The following TRIM16 variants were observed in gnomAD, a reference collection of about 807,000 sequenced individuals.
TRIM16 encodes tripartite motif-containing protein 16.
Under a neutral mutation model 50.4 loss-of-function variants are expected in TRIM16, and 33 were observed. The ratio of observed to expected loss-of-function variants is 0.65; its 90% CI spans 0.50 to 0.88. The LOEUF (loss-of-function observed/expected upper bound fraction) is 0.88. Ranked by LOEUF, TRIM16 falls within the 40% of genes least tolerant of loss-of-function variation. TRIM16 has a pLI of 0.00. For missense variants in TRIM16, 581 were observed against 686.8 expected, an observed-to-expected ratio of 0.85 and a Z score of 1.72; for synonymous variants, 229 against 270.7, an observed-to-expected ratio of 0.85 and a Z score of 1.51.
chr17:15,635,903 C>T lies in TRIM16; in HGVS notation c.849+133G>A. On this transcript the variant is annotated intron_variant, in intron 9 of 11. Transcript: ENST00000649191. ...TCTGCTGAATGAAGAATCTGCTTCTCTCTGTTCCCACTGCTCCCTGTGCAC... is the reference window on the plus strand; with the variant it reads ...TCTGCTGAATGAAGAATCTGCTTCTTTCTGTTCCCACTGCTCCCTGTGCAC... The T allele has an allele frequency of 6.3e-6, 5 of 797,834 alleles. No homozygotes were observed. The East Asian group carries it at 8.3e-5, about 13-fold the overall frequency. 49.4% of individuals were successfully genotyped at this position (797,834 alleles called of 1,614,324 possible). A position where few individuals can be genotyped will look rare whatever the true frequency, so the allele number is the denominator to read the frequency against.
intron 9 of TRIM16, among the ~76,000 whole-genome samples, chr17:15,635,143 T>A (rs1223127802): frequency 6.8e-6 from 1 of 146,528 alleles, no homozygotes; most frequent in Non-Finnish European, 1.5e-5. Context: ...TAGCAGAGAA[T>A]TTTTTCAAAA....
rs1026520873 is a variant in TRIM16 at position 15,651,796 on chromosome 17, G to A, written c.-187C>T. ...CTGGCGCTGGATGGCAGCCAGATGC[G>A]ATGACGACAAGGCAGCTAGAGTACT... On this transcript the variant is annotated 5_prime_UTR_variant, in exon 7 of 12. Coordinates refer to ENST00000649191, the MANE Select transcript of TRIM16 (RefSeq NM_001348119.1). 15 of 1,465,284 alleles carry A rather than the reference G, an allele frequency of 1.0e-5. No homozygotes were observed. The highest frequency in any genetic ancestry group is 8.5e-5 in the South Asian group (6 of 70,812). The allele number at this position is 1,465,284 out of a possible 1,614,324, so 90.8% of individuals were successfully genotyped here.
chr17:15,681,193 G>C, intron 3 of TRIM16: 1 of 342,518 alleles, frequency 2.9e-6, no homozygotes, highest in Non-Finnish European at 5.4e-6. Flanking sequence ...CCACTGCTCT[G>C]AAAACGAGGT....
intron 10 of TRIM16, 25 bp downstream of exon 10, chr17:15,632,484 G>C (rs547052203): frequency 2.5e-6 from 4 of 1,599,164 alleles, no homozygotes; most frequent in Non-Finnish European, 3.4e-6. Context: ...ACTCACTATA[G>C]TCCATGGCCC....
At chr17:15,644,385 A>AC (rs1408726450) in intron 7 of TRIM16, among the ~76,000 whole-genome samples, 16 of 152,176 alleles carry the variant, frequency 1.1e-4, no homozygotes, top group African/African-American at 3.9e-4. Flanking sequence ...ACAGGGTTTC[A>AC]CCATGTTGGT....
Position 15,651,112 on chromosome 17 carries a change from A to G in TRIM16, c.498T>C (p.Asp166=). 6.2e-7 allele frequency: 1 copy of G among 1,612,514 alleles called. No individual in the cohort carries two copies. The highest frequency in any genetic ancestry group is 8.5e-7 in the Non-Finnish European group (1 of 1,179,064). ...EHSGHTIVSL[D]AARRDKEAEL... ...TCACCTCCTTGTCCCTGCGGGCTGC[A>G]TCCAGGGAGACTATGGTGTGGCCAC... Residue 166 remains aspartate, a synonymous_variant, in exon 7 of 12, where the codon GAT becomes GAC. Coordinates refer to ENST00000649191, the MANE Select transcript of TRIM16 (RefSeq NM_001348119.1).
intron 6 of TRIM16, among the ~76,000 whole-genome samples, chr17:15,676,163 G>T: frequency 6.6e-6 from 1 of 152,212 alleles, no homozygotes; most frequent in East Asian, 1.9e-4. Context: ...CCCGTCCTGT[G>T]CATTGTAGGA....
intron 6 of TRIM16, among the ~76,000 whole-genome samples, chr17:15,666,372 G>A (rs141185031): frequency 6.6e-6 from 1 of 152,116 alleles, no homozygotes; most frequent in Non-Finnish European, 1.5e-5. Context: ...GTGAGCCACT[G>A]CACCCACCCT....
chr17:15,651,134 C>A lies in TRIM16; in HGVS notation c.476G>T (p.Gly159Val), dbSNP rs200262081. Residue 159 changes from glycine to valine, a missense_variant, in exon 7 of 12, where the codon GGC becomes GTC. Transcript: ENST00000649191. ...ICQDCCQEHS[G>V]HTIVSLDAAR... ...TGCATCCAGGGAGACTATGGTGTGG[C>A]CACTGTGCTCCTGGCAACAGTCCTG... 3.7e-6 allele frequency: 6 copies of A among 1,613,830 alleles called. No individual in the cohort carries two copies. Among genetic ancestry groups the A allele is most frequent in the Non-Finnish European group, 5.1e-6 (6 of 1,179,938 alleles).
Position 15,651,944 on chromosome 17 carries a change from G to A in TRIM16, c.-335C>T. 2 of 1,243,620 alleles carry A rather than the reference G, an allele frequency of 1.6e-6. No homozygotes were observed. Among genetic ancestry groups the A allele is most frequent in the East Asian group, 4.4e-5 (1 of 22,510 alleles). The allele number at this position is 1,243,620 out of a possible 1,614,324, so 77.0% of individuals were successfully genotyped here. A position where few individuals can be genotyped will look rare whatever the true frequency, so the allele number is the denominator to read the frequency against. On this transcript the variant is annotated splice_region_variant and 5_prime_UTR_variant, in exon 7 of 12. The change creates a premature stop within an existing upstream ORF in the 5' untranslated region. Coordinates refer to ENST00000649191, the MANE Select transcript of TRIM16 (RefSeq NM_001348119.1). ...CTGAAGACCACGTGTCTCTGTGCCT[G>A]CTCTGGAAAGGACAGAAGATTCCTG...
At chr17:15,630,199 T>C (rs1986343281) in intron 11 of TRIM16, among the ~76,000 whole-genome samples, 1 of 152,080 alleles carries the variant, frequency 6.6e-6, no homozygotes, top group Non-Finnish European at 1.5e-5. Flanking sequence ...GTACAGCCTG[T>C]TCCCTCCGAG....
chr17:15,668,875 T>C (rs952745547), intron 6 of TRIM16, among the ~76,000 whole-genome samples: 5 of 151,922 alleles, frequency 3.3e-5, no homozygotes, highest in African/African-American at 1.2e-4. Flanking sequence ...ACTTATCCCA[T>C]ATTCAAAAAG....
intron 4 of TRIM16, 64 bp downstream of exon 4, chr17:15,680,801 A>T: frequency 6.7e-7 from 1 of 1,490,060 alleles, no homozygotes. Context: ...TTCTGAGAAG[A>T]GAGGAAAATC....
Position 15,651,779 on chromosome 17 carries a change from G to A in TRIM16, c.-170C>T, listed in dbSNP as rs143578167. ...CCACTCATTACTGTGTGCTGGCGCT[G>A]GATGGCAGCCAGATGCGATGACGAC... On this transcript the variant is annotated 5_prime_UTR_variant, in exon 7 of 12. The change creates a premature stop within an existing upstream ORF in the 5' untranslated region. Coordinates refer to ENST00000649191, the MANE Select transcript of TRIM16 (RefSeq NM_001348119.1). 2.8e-4 allele frequency: 416 copies of A among 1,475,166 alleles called. 1 individual carries two copies. The East Asian group carries it at 0.01, about 36-fold the overall frequency. 91.4% of individuals were successfully genotyped at this position (1,475,166 alleles called of 1,614,324 possible). A position where few individuals can be genotyped will look rare whatever the true frequency, so the allele number is the denominator to read the frequency against.
intron 7 of TRIM16, among the ~76,000 whole-genome samples, chr17:15,645,412 C>G (rs1018818401): frequency 6.6e-6 from 1 of 152,084 alleles, no homozygotes; most frequent in African/African-American, 2.4e-5. Context: ...GCCCAAAAAC[C>G]TCAGGTTTGC....
chr17:15,674,756 A>G (rs534936911), intron 6 of TRIM16, among the ~76,000 whole-genome samples: 2 of 152,252 alleles, frequency 1.3e-5, no homozygotes, highest in Admixed American at 6.5e-5. Flanking sequence ...TAAACTTTCA[A>G]GTTCTCTTAG....
intron 8 of TRIM16, among the ~76,000 whole-genome samples, chr17:15,637,364 A>G (rs1251407502): frequency 4.5e-3 from 209 of 45,964 alleles, no homozygotes; most frequent in South Asian, 6.6e-3. Context: ...CAGCCCCCCT[A>G]CCCGGCCAGC....
rs376832731 is a variant in TRIM16 at position 15,639,975 on chromosome 17, T to C, written c.615+2746A>G. On this transcript the variant is annotated intron_variant, in intron 8 of 11. Transcript: ENST00000649191. ...ACAATAATCATAAAAACAACCAACA[T>C]GTAGTAAGTTCTTACTATGTGCCAG... 2.1e-4 allele frequency among the ~76,000 whole-genome samples: 32 copies of C among 149,272 alleles called. 2 individuals carry two copies. The East Asian group carries it at 4.4e-3, about 21-fold the overall frequency.
chr17:15,636,297 C>A (rs1376429516), intron 8 of TRIM16, 28 bp from the exon 9 acceptor site: 1 of 1,605,028 alleles, frequency 6.2e-7, no homozygotes, highest in Non-Finnish European at 8.5e-7. Context: ...TGGAAGGCAG[C>A]CAAACATTTC....
Sources: allele counts gnomAD v4.1 joint callset (sites outside exome capture counted in the v4.1 genomes callset), GRCh38; gene constraint gnomAD v4.1.1; transcripts MANE v1.5; gene names NCBI Gene and HGNC (gene_info 2026-07-23, HGNC 2026-07-21).